The following N4BP2L2 variants were observed in gnomAD, a reference collection of about 807,000 sequenced individuals.
N4BP2L2 encodes NEDD4-binding protein 2-like 2.
Under a neutral mutation model 56.2 loss-of-function variants are expected in N4BP2L2, and 50 were observed. That is an observed-to-expected ratio of 0.89 (90% CI 0.71 to 1.13). N4BP2L2 has a LOEUF of 1.13. Ranked by LOEUF, N4BP2L2 falls within the 50% of genes most tolerant of loss-of-function variation. The pLI is 0.00. For missense variants in N4BP2L2, 689 were observed against 693.8 expected, an observed-to-expected ratio of 0.99 and a Z score of 0.08; for synonymous variants, 203 against 223.6, an observed-to-expected ratio of 0.91 and a Z score of 0.82.
intron 3 of N4BP2L2, chr13:32,526,819 T>G (rs1467562064): frequency 2.3e-5 from 1 of 43,440 alleles, no homozygotes; most frequent in African/African-American, 1.0e-4. Flanking sequence ...TTTTTGTCTG[T>G]TTTTTTTTTT....
intron 6 of N4BP2L2, among the ~76,000 whole-genome samples, chr13:32,490,597 G>A (rs1048552992): frequency 3.3e-5 from 5 of 152,284 alleles, no homozygotes; most frequent in South Asian, 2.1e-4. Flanking sequence ...GAGCCACTGC[G>A]CCTGGCCGAA....
At chr13:32,502,939 G>A (rs917684830) in intron 6 of N4BP2L2, among the ~76,000 whole-genome samples, 7 of 152,052 alleles carry the variant, frequency 4.6e-5, no homozygotes, top group African/African-American at 1.4e-4. Flanking sequence ...TTGGGAGGCC[G>A]AGGTGGACAG....
intron 6 of N4BP2L2, among the ~76,000 whole-genome samples, chr13:32,448,407 T>C (rs1832953839): frequency 6.6e-6 from 1 of 152,126 alleles, no homozygotes; most frequent in African/African-American, 2.4e-5. Flanking sequence ...AAGTTAGTCA[T>C]GGAGAGGAAA....
At chr13:32,448,996 C>T (rs1211525489) in intron 6 of N4BP2L2, among the ~76,000 whole-genome samples, 9 of 152,058 alleles carry the variant, frequency 5.9e-5, no homozygotes, top group Admixed American at 2.0e-4. Context: ...AGGAAAATAC[C>T]CCTCCTTGCA....
At chr13:32,519,517 G>T (rs920213567) in intron 5 of N4BP2L2, among the ~76,000 whole-genome samples, 1 of 152,218 alleles carries the variant, frequency 6.6e-6, no homozygotes, top group East Asian at 1.9e-4. Flanking sequence ...ATAGCCAGGC[G>T]TAGTGGCAGG....
At chr13:32,509,194 A>AC (rs1179192367), downstream of N4BP2L2, 2 of 152,176 alleles carry the variant, frequency 1.3e-5, no homozygotes, top group Non-Finnish European at 2.9e-5. Context: ...CAGGTTGAGC[A>AC]CCCATAATCC....
chr13:32,448,800 A>G (rs372177501), intron 6 of N4BP2L2, among the ~76,000 whole-genome samples: 31 of 152,358 alleles, frequency 2.0e-4, no homozygotes, highest in African/African-American at 7.5e-4. Flanking sequence ...CAATAAATGA[A>G]GTAAATCTGA....
chr13:32,510,578 A>C (rs1352801786), exon 6 of N4BP2L2: 1 of 148,052 alleles, frequency 6.8e-6, no homozygotes, highest in Non-Finnish European at 1.5e-5. Context: ...GGCTCACTGC[A>C]ACCTCTGCCA....
At chr13:32,497,976 A>G (rs902701071) in intron 6 of N4BP2L2, among the ~76,000 whole-genome samples, 2 of 152,188 alleles carry the variant, frequency 1.3e-5, no homozygotes, top group African/African-American at 4.8e-5. Context: ...TATAGAAATT[A>G]GACACAGTAA....
intron 6 of N4BP2L2, among the ~76,000 whole-genome samples, chr13:32,463,082 T>TA (rs112740850): frequency 0.057 from 8,567 of 151,294 alleles, 814 homozygotes; most frequent in African/African-American, 0.2. Flanking sequence ...TACACATTAA[T>TA]AAAAAATTTC....
Position 32,449,048 on chromosome 13 carries a change from C to A in N4BP2L2, c.366-4922G>T, listed in dbSNP as rs974721961. On this transcript the variant is annotated intron_variant, in intron 6 of 9. Coordinates refer to the N4BP2L2 transcript ENST00000357505. ...CACTAATACAGATGCTCTTAAATAA[C>A]CTCTACTCAACTGATAGAGCAGATC... is the stretch of plus-strand genomic sequence containing the variant. 4.6e-5 allele frequency among the ~76,000 whole-genome samples: 7 copies of A among 152,250 alleles called. No individual in the cohort carries two copies. The South Asian group carries it at 1.5e-3, about 32-fold the overall frequency.
exon 7 of N4BP2L2, chr13:32,443,884 A>G: frequency 6.4e-7 from 1 of 1,569,184 alleles, no homozygotes; most frequent in South Asian, 1.2e-5. Flanking sequence ...TCCAGTCACA[A>G]AATCTCCGAC....
chr13:32,493,136 G>A lies in N4BP2L2; in HGVS notation c.365+24721C>T, dbSNP rs151331288. 3.8e-3 allele frequency among the ~76,000 whole-genome samples: 572 copies of A among 151,806 alleles called. 8 individuals are homozygous for A. Among genetic ancestry groups the A allele is most frequent in the African/African-American group, 0.012 (516 of 41,372 alleles). ...GACGGCGTTTCACCATGTTGGCCAG[G>A]CTGCTCTCGAACTCCTGACCTCAGG... On this transcript the variant is annotated intron_variant, in intron 6 of 9. Transcript: ENST00000357505.
chr13:32,453,603 C>T (rs1190105522), intron 6 of N4BP2L2, among the ~76,000 whole-genome samples: 1 of 152,214 alleles, frequency 6.6e-6, no homozygotes, highest in Non-Finnish European at 1.5e-5. Context: ...CTTCCTGCCT[C>T]AGCCTCTGAA....
At chr13:32,519,483 C>T (rs2050181425) in intron 5 of N4BP2L2, among the ~76,000 whole-genome samples, 1 of 152,058 alleles carries the variant, frequency 6.6e-6, no homozygotes, top group South Asian at 2.1e-4. Context: ...TGGTGAAACT[C>T]CGTCTCTACT....
intron 2 of N4BP2L2, 42 bp from the exon 3 acceptor site, chr13:32,527,574 T>G (rs2053403921): frequency 1.3e-6 from 2 of 1,596,232 alleles, no homozygotes; most frequent in South Asian, 2.2e-5. Context: ...TTACAAAATC[T>G]ATAACCATCA....
exon 2 of N4BP2L2, chr13:32,535,998 T>C (rs758988933): frequency 3.7e-5 from 60 of 1,613,860 alleles, no homozygotes; most frequent in Non-Finnish European, 4.5e-5. Flanking sequence ...ACACTACTCC[T>C]ATTCTCACTA....
At chr13:32,532,747 C>T (rs147661163) in intron 2 of N4BP2L2, among the ~76,000 whole-genome samples, 3,526 of 151,780 alleles carry the variant, frequency 0.023, 59 homozygotes, top group South Asian at 0.036. Flanking sequence ...CATGCCACCA[C>T]GCCCAGCTCA....
intron 6 of N4BP2L2, among the ~76,000 whole-genome samples, chr13:32,452,095 C>A (rs1242978554): frequency 5.6e-5 from 8 of 142,476 alleles, no homozygotes; most frequent in Admixed American, 7.2e-5. Context: ...GAGTTTCACT[C>A]TCCTTGCCCA....
Sources: allele counts gnomAD v4.1 joint callset (sites outside exome capture counted in the v4.1 genomes callset), GRCh38; gene constraint gnomAD v4.1.1; transcripts MANE v1.5; gene names NCBI Gene and HGNC (gene_info 2026-07-23, HGNC 2026-07-21).